Variants in TMEM266 observed in about 807,000 individuals in gnomAD.
The protein encoded by TMEM266 is transmembrane protein 266.
Under a neutral mutation model 50.5 loss-of-function variants are expected in TMEM266, and 33 were observed. The observed-to-expected ratio is 0.65, with a 90% CI of 0.50 to 0.87. TMEM266 has a LOEUF of 0.87. Ranked by LOEUF, TMEM266 falls within the 40% of genes least tolerant of loss-of-function variation. The pLI is 0.00. For missense variants in TMEM266, 655 were observed against 695.1 expected, an observed-to-expected ratio of 0.94 and a Z score of 0.65; for synonymous variants, 310 against 292.3, an observed-to-expected ratio of 1.06 and a Z score of -0.62.
intron 3 of TMEM266, among the ~76,000 whole-genome samples, chr15:76,140,026 A>G (rs77267240): frequency 0.012 from 1,840 of 152,334 alleles, 39 homozygotes; most frequent in African/African-American, 0.043. Context: ...TTGCCTTATC[A>G]TTCAATTTGC....
At chr15:76,154,138 C>A (rs973860423) in intron 3 of TMEM266, among the ~76,000 whole-genome samples, 1 of 152,244 alleles carries the variant, frequency 6.6e-6, no homozygotes, top group Non-Finnish European at 1.5e-5. Flanking sequence ...GGGCTGCCAA[C>A]TTTACCAAAT....
chr15:76,150,361 C>T (rs1034920792), intron 3 of TMEM266, among the ~76,000 whole-genome samples: 1 of 152,186 alleles, frequency 6.6e-6, no homozygotes, highest in African/African-American at 2.4e-5. Context: ...TCATTTTGAT[C>T]ACCTCCCTCA....
chr15:76,134,239 G>GC lies in TMEM266; in HGVS notation c.-21dup. 6.2e-7 allele frequency: 1 copy of GC among 1,613,470 alleles called. No individual in the cohort carries two copies. Among genetic ancestry groups the GC allele is most frequent in the Non-Finnish European group, 8.5e-7 (1 of 1,179,454 alleles). On this transcript the variant is annotated 5_prime_UTR_variant, in exon 2 of 11. The change abolishes the stop of an existing upstream ORF in the 5' untranslated region. Coordinates refer to ENST00000388942, the MANE Select transcript of TMEM266 (RefSeq NM_152335.3). Reference sequence around the variant, plus strand: ...TGACAGCAGGCTTCAGGACAGCTGAGCCCCACTAAACACCAAGAAAACCCA... The same window carrying GC: ...TGACAGCAGGCTTCAGGACAGCTGAGCCCCCACTAAACACCAAGAAAACCCA...
In TMEM266 at chr15:76,179,952, T is replaced by TAAAACAAAAC. The variant is rs60596277; in HGVS notation, c.768+4299_768+4308dup. ...CTGGGCCACAGAGCAAGACTGTCTC[T>TAAAACAAAAC]AAAACAAAACAAAACAAAACAAAAC... On this transcript the variant is annotated intron_variant, in intron 8 of 10. Transcript: ENST00000388942. Among the ~76,000 whole-genome samples, 915 of 152,186 alleles carry TAAAACAAAAC rather than the reference T, an allele frequency of 6.0e-3. 10 individuals carry two copies. The highest frequency in any genetic ancestry group is 0.021 in the African/African-American group (859 of 41,492).
At chr15:76,126,625 G>A (rs560486297) in intron 1 of TMEM266, among the ~76,000 whole-genome samples, 2 of 151,416 alleles carry the variant, frequency 1.3e-5, no homozygotes, top group South Asian at 2.1e-4. Context: ...TCCGCCTCCC[G>A]AGTTCAAGCA....
chr15:76,177,850 A>T (rs769083810), intron 8 of TMEM266, among the ~76,000 whole-genome samples: 1 of 152,228 alleles, frequency 6.6e-6, no homozygotes, highest in Non-Finnish European at 1.5e-5. Context: ...TGGGTGACTC[A>T]GGGGGTTTGG....
chr15:76,182,342 A>C (rs2038425861), intron 8 of TMEM266, among the ~76,000 whole-genome samples: 1 of 151,980 alleles, frequency 6.6e-6, no homozygotes, highest in Non-Finnish European at 1.5e-5. Flanking sequence ...GTAAGGGTTA[A>C]AAAAAAGAGA....
Position 76,160,694 on chromosome 15 carries a change from C to T in TMEM266, c.456+526C>T, listed in dbSNP as rs368321562. ...GCAGGGGCCCTGGGTCTGACAGGGCCGAAAGATGTGCCTCTCAGTGTGAGT... is the reference window on the plus strand; with the variant it reads ...GCAGGGGCCCTGGGTCTGACAGGGCTGAAAGATGTGCCTCTCAGTGTGAGT... On this transcript the variant is annotated intron_variant, in intron 5 of 10. Coordinates refer to ENST00000388942, the MANE Select transcript of TMEM266 (RefSeq NM_152335.3). The surrounding 1 kb of genome is among the most constrained non-coding windows in gnomAD (Gnocchi z 5.7). Among the ~76,000 whole-genome samples the T allele has an allele frequency of 2.5e-4, 38 of 152,224 alleles. No homozygotes were observed. The East Asian group carries it at 5.6e-3, about 22-fold the overall frequency.
At chr15:76,076,377 G>A (rs1031636757) in intron 1 of TMEM266, among the ~76,000 whole-genome samples, 13 of 151,960 alleles carry the variant, frequency 8.6e-5, no homozygotes, top group African/African-American at 3.1e-4. Context: ...TCCTTCTCTT[G>A]GACCCTCAAG....
intron 3 of TMEM266, among the ~76,000 whole-genome samples, chr15:76,140,384 T>C (rs1270431752): frequency 6.6e-6 from 1 of 152,226 alleles, no homozygotes; most frequent in African/African-American, 2.4e-5. Context: ...TTTCCCAAAA[T>C]GTCCAACCCG....
In TMEM266 at chr15:76,122,325, C is replaced by T. The variant is rs187386435; in HGVS notation, c.-96-11843C>T. ...GGTCAACCAAATGGCCAAGGCCAAC[C>T]ACCAGGTAAAAGGGTAATGAAAAAT... On this transcript the variant is annotated intron_variant, in intron 1 of 10. Transcript: ENST00000388942. Among the ~76,000 whole-genome samples, 10 of 152,358 alleles carry T rather than the reference C, an allele frequency of 6.6e-5. No homozygotes were observed. In the East Asian group the frequency reaches 1.9e-3, roughly 29 times the overall value.
intron 8 of TMEM266, among the ~76,000 whole-genome samples, chr15:76,180,801 A>T (rs1159920797): frequency 2.0e-5 from 3 of 151,086 alleles, no homozygotes; most frequent in African/African-American, 7.3e-5. Flanking sequence ...TTTAGTAGAG[A>T]CGGGGTTTCA....
intron 1 of TMEM266, among the ~76,000 whole-genome samples, chr15:76,082,426 G>A (rs1173872211): frequency 6.6e-6 from 1 of 152,200 alleles, no homozygotes; most frequent in Admixed American, 6.5e-5. Context: ...TGTATTCCAA[G>A]AGTTGGTCAG....
intron 1 of TMEM266, among the ~76,000 whole-genome samples, chr15:76,072,732 G>C (rs371809573): frequency 2.0e-5 from 3 of 151,868 alleles, no homozygotes; most frequent in Non-Finnish European, 2.9e-5. Flanking sequence ...CTGCCTCCCG[G>C]GTTCAAGCTA....
chr15:76,092,517 C>A (rs2935960), intron 1 of TMEM266, among the ~76,000 whole-genome samples: 88,473 of 151,486 alleles, frequency 0.58, 26,481 homozygotes, highest in Admixed American at 0.7. Context: ...TGGCGAAACC[C>A]CGTATCTACT....
At chr15:76,175,786 C>T in intron 8 of TMEM266, 112 bp downstream of exon 8, 1 of 818,490 alleles carries the variant, frequency 1.2e-6, no homozygotes, top group Non-Finnish European at 2.0e-6. Flanking sequence ...GGAGTTCCTC[C>T]AGCCCCTTGT....
At chr15:76,074,795 GT>G (rs2036583449) in intron 1 of TMEM266, among the ~76,000 whole-genome samples, 1 of 152,060 alleles carries the variant, frequency 6.6e-6, no homozygotes, top group Admixed American at 6.5e-5. Flanking sequence ...TTAGAGGGCT[GT>G]TTCAGTAACC....
At chr15:76,193,759 G>T (rs974819501) in intron 9 of TMEM266, among the ~76,000 whole-genome samples, 3 of 152,182 alleles carry the variant, frequency 2.0e-5, no homozygotes, top group Non-Finnish European at 2.9e-5. Context: ...CTGGTCCCCT[G>T]CCCCTGCCTC....
chr15:76,067,113 T>G (rs1567138264), intron 1 of TMEM266, among the ~76,000 whole-genome samples: 1 of 152,184 alleles, frequency 6.6e-6, no homozygotes, highest in Non-Finnish European at 1.5e-5. Flanking sequence ...CTTTCTAGTT[T>G]GAAGAATACA....
Sources: gnomAD v4.1 joint callset for allele counts (sites outside exome capture counted in the v4.1 genomes callset) on GRCh38, gnomAD v4.1.1 for gene constraint, Gnocchi (gnomAD v3.1) non-coding constraint, MANE v1.5 for transcripts, NCBI Gene and HGNC (gene_info 2026-07-23, HGNC 2026-07-21) for gene names.